Variants in LIPI observed in about 807,000 individuals in gnomAD.
LIPI encodes lipase I.
A neutral mutation model predicts 50.6 loss-of-function variants in LIPI; 59 were observed. The observed-to-expected ratio is 1.16, with a 90% CI of 0.94 to 1.45. The LOEUF (loss-of-function observed/expected upper bound fraction) is 1.45, where lower values mean the gene tolerates loss of function less well. Among genes scored for constraint, LIPI ranks in the 40% most tolerant of loss-of-function variants. LIPI has a pLI of 0.00. For synonymous variants in LIPI, 203 were observed against 178.2 expected (o/e 1.14, Z -1.11); for missense variants, 586 against 536.3 (o/e 1.09, Z -0.92).
intron 2 of LIPI, among the ~76,000 whole-genome samples, chr21:14,186,918 T>C (rs1469309157): frequency 6.6e-6 from 1 of 152,118 alleles, no homozygotes. Context: ...AAATAAATGT[T>C]TCTTGTTTAT....
intron 9 of LIPI, among the ~76,000 whole-genome samples, chr21:14,132,316 T>G (rs951102795): frequency 6.6e-6 from 1 of 152,130 alleles, no homozygotes; most frequent in Non-Finnish European, 1.5e-5. Flanking sequence ...GCAAATGAAA[T>G]GTATCTAGTC....
At chr21:14,202,222 A>T (rs1033903632) in intron 1 of LIPI, among the ~76,000 whole-genome samples, 11 of 152,234 alleles carry the variant, frequency 7.2e-5, no homozygotes, top group African/African-American at 2.7e-4. Context: ...GCTCATGGGT[A>T]GGAAGAATCA....
intron 7 of LIPI, among the ~76,000 whole-genome samples, chr21:14,159,785 G>T (rs1429607037): frequency 6.6e-6 from 1 of 151,316 alleles, no homozygotes; most frequent in Non-Finnish European, 1.5e-5. Context: ...AATGAATTCA[G>T]CAAGTTCCCA....
At chr21:14,161,811 AATATAT>A (rs2018499756) in intron 7 of LIPI, among the ~76,000 whole-genome samples, 1 of 28,430 alleles carries the variant, frequency 3.5e-5, no homozygotes, top group African/African-American at 2.3e-4. Flanking sequence ...ATTAATGTAT[AATATAT>A]ACAAATATAT....
intron 7 of LIPI, among the ~76,000 whole-genome samples, chr21:14,161,276 T>C (rs998856204): frequency 6.7e-6 from 1 of 148,822 alleles, no homozygotes; most frequent in Non-Finnish European, 1.5e-5. Context: ...TCTATGTAAA[T>C]GTATACGTAT....
chr21:14,187,293 C>A (rs1054706374), intron 2 of LIPI, among the ~76,000 whole-genome samples: 3 of 152,132 alleles, frequency 2.0e-5, no homozygotes, highest in Non-Finnish European at 4.4e-5. Flanking sequence ...GTGGACAGAT[C>A]ATGGTCCAGC....
rs372879921 is a variant in LIPI at position 14,165,269 on chromosome 21, T to C, written c.855A>G (p.Leu285=). 2.2e-5 allele frequency: 36 copies of C among 1,612,966 alleles called. No homozygotes were observed. Among genetic ancestry groups the C allele is most frequent in the Middle Eastern group, 1.6e-4 (1 of 6,072 alleles). Residue 285 remains leucine (L), a synonymous_variant, in exon 6 of 10, where the codon TTA becomes TTG. Transcript: ENST00000681601. ...CRSYKDYKTS[L]CVDCDCFKEK... is the part of the protein sequence containing the mutation. Reference sequence around the variant, plus strand: ...CCTTAAAACAGTCACAGTCCACACATAAGCTAGTCTTGTAATCTTTGTATG... The same window carrying C: ...CCTTAAAACAGTCACAGTCCACACACAAGCTAGTCTTGTAATCTTTGTATG...
intron 4 of LIPI, among the ~76,000 whole-genome samples, chr21:14,172,122 A>AT (rs1234649582): frequency 6.6e-6 from 1 of 152,182 alleles, no homozygotes; most frequent in Non-Finnish European, 1.5e-5. Flanking sequence ...AAAAATGCTC[A>AT]CCATCACTGG....
At chr21:14,127,412 A>C (rs540073941) in intron 9 of LIPI, among the ~76,000 whole-genome samples, 13 of 152,334 alleles carry the variant, frequency 8.5e-5, no homozygotes, top group Middle Eastern at 3.4e-3. Context: ...TTTGCTCAAC[A>C]ACCACAAAAT....
chr21:14,118,989 T>C (rs1209878296), intron 9 of LIPI, among the ~76,000 whole-genome samples: 3 of 152,246 alleles, frequency 2.0e-5, no homozygotes, highest in African/African-American at 7.2e-5. Flanking sequence ...GTGGCTACAC[T>C]GCATGCTATT....
chr21:14,127,795 A>G (rs761446300), intron 9 of LIPI, among the ~76,000 whole-genome samples: 1 of 152,158 alleles, frequency 6.6e-6, no homozygotes, highest in Non-Finnish European at 1.5e-5. Flanking sequence ...TCATAACCTG[A>G]GATAGAAGAT....
intron 9 of LIPI, among the ~76,000 whole-genome samples, chr21:14,114,572 G>T (rs982223469): frequency 6.6e-6 from 1 of 152,092 alleles, no homozygotes; most frequent in Non-Finnish European, 1.5e-5. Context: ...CTGGAGGGTC[G>T]GACTCAGAGG....
At chr21:14,208,554 TATA>T (rs1394956212) in intron 1 of LIPI, among the ~76,000 whole-genome samples, 1 of 152,174 alleles carries the variant, frequency 6.6e-6, no homozygotes, top group Non-Finnish European at 1.5e-5. Context: ...AAATCAAAAT[TATA>T]ATATTTGGTG....
intron 7 of LIPI, among the ~76,000 whole-genome samples, chr21:14,156,744 A>G (rs527379120): frequency 7.2e-5 from 11 of 151,944 alleles, no homozygotes; most frequent in Non-Finnish European, 1.3e-4. Context: ...ATTTTTAGGA[A>G]CATAATAGGA....
At chr21:14,149,868 C>A (rs1179680282) in intron 8 of LIPI, among the ~76,000 whole-genome samples, 1 of 152,212 alleles carries the variant, frequency 6.6e-6, no homozygotes, top group Non-Finnish European at 1.5e-5. Flanking sequence ...GCCCCTCTTC[C>A]AGCTGCTTTC....
At chr21:14,148,037 A>G (rs2017965425) in intron 8 of LIPI, among the ~76,000 whole-genome samples, 1 of 152,158 alleles carries the variant, frequency 6.6e-6, no homozygotes, top group Non-Finnish European at 1.5e-5. Flanking sequence ...TTAACATCCT[A>G]TATTGGCATA....
At chr21:14,116,567 G>A (rs763665633) in intron 9 of LIPI, among the ~76,000 whole-genome samples, 5 of 152,174 alleles carry the variant, frequency 3.3e-5, no homozygotes, top group South Asian at 2.1e-4. Context: ...AGTTAAGACC[G>A]CAGAGGCTAA....
At chr21:14,174,228 T>G (rs2019016150) in intron 4 of LIPI, among the ~76,000 whole-genome samples, 1 of 152,194 alleles carries the variant, frequency 6.6e-6, no homozygotes, top group Non-Finnish European at 1.5e-5. Context: ...CATTTCCCTT[T>G]TATCAGATTG....
At chr21:14,151,451 C>T (rs1339913349) in intron 8 of LIPI, among the ~76,000 whole-genome samples, 1 of 152,120 alleles carries the variant, frequency 6.6e-6, no homozygotes, top group East Asian at 1.9e-4. Context: ...TTGGAAATAC[C>T]AACCATGCTT....
Sources: gnomAD v4.1 joint callset for allele counts (sites outside exome capture counted in the v4.1 genomes callset) on GRCh38, gnomAD v4.1.1 for gene constraint, MANE v1.5 for transcripts, NCBI Gene and HGNC (gene_info 2026-07-23, HGNC 2026-07-21) for gene names.